Variants in ITGA9 observed in about 807,000 individuals in gnomAD.
ITGA9 encodes integrin alpha-9.
ITGA9 carries 56 observed loss-of-function variants against 127.8 expected under a neutral mutation model. The observed-to-expected ratio is 0.44, with a 90% CI of 0.35 to 0.55. The LOEUF is 0.55. Among genes scored for constraint, ITGA9 ranks in the 20% least tolerant of loss-of-function variants. The pLI, the probability that ITGA9 is intolerant of heterozygous loss-of-function variation, is 0.00. For synonymous variants in ITGA9, 508 were observed against 514.5 expected (o/e 0.99, Z 0.17); for missense variants, 1,196 against 1,347.1 (o/e 0.89, Z 1.76).
intron 15 of ITGA9, among the ~76,000 whole-genome samples, chr3:37,545,289 C>G (rs1433205313): frequency 1.3e-5 from 2 of 148,210 alleles, no homozygotes; most frequent in African/African-American, 5.2e-5. Context: ...GACAGTGGGG[C>G]CAGCATGAGG....
chr3:37,547,022 T>A (rs1336939188), intron 15 of ITGA9, among the ~76,000 whole-genome samples: 1 of 152,030 alleles, frequency 6.6e-6, no homozygotes, highest in Admixed American at 6.6e-5. Context: ...CAGTTCTGAG[T>A]CTGATGCAGG....
intron 17 of ITGA9, among the ~76,000 whole-genome samples, chr3:37,670,771 C>T (rs1700630070): frequency 6.6e-6 from 1 of 152,202 alleles, no homozygotes; most frequent in African/African-American, 2.4e-5. Context: ...GCTACCTCAC[C>T]TCCCAGGAGA....
intron 3 of ITGA9, among the ~76,000 whole-genome samples, chr3:37,480,825 A>G (rs1017487060): frequency 8.5e-5 from 13 of 152,050 alleles, no homozygotes; most frequent in Admixed American, 8.5e-4. Context: ...GACCTGCATC[A>G]TCTCTCACCT....
chr3:37,682,433 C>T (rs1459245144), intron 17 of ITGA9, among the ~76,000 whole-genome samples: 1 of 152,186 alleles, frequency 6.6e-6, no homozygotes, highest in South Asian at 2.1e-4. Context: ...ATGTGGATGA[C>T]TCCTCTCTCG....
chr3:37,738,558 G>C (rs1470502585), intron 20 of ITGA9, among the ~76,000 whole-genome samples: 1 of 152,198 alleles, frequency 6.6e-6, no homozygotes. Context: ...TTTTTGAAAA[G>C]GGGAGTGGCA....
At chr3:37,601,654 G>A (rs6550487) in intron 15 of ITGA9, among the ~76,000 whole-genome samples, 108,193 of 152,136 alleles carry the variant, frequency 0.71, 38,813 homozygotes, top group East Asian at 0.8. Flanking sequence ...TCATCAACAT[G>A]AGCAGTATTA....
intron 18 of ITGA9, among the ~76,000 whole-genome samples, chr3:37,726,262 G>A (rs1038189106): frequency 6.6e-6 from 1 of 152,218 alleles, no homozygotes; most frequent in Non-Finnish European, 1.5e-5. Flanking sequence ...AAGAAGGAAA[G>A]GGTCTTAGAG....
intron 16 of ITGA9, among the ~76,000 whole-genome samples, chr3:37,638,045 G>A (rs923491150): frequency 6.6e-6 from 1 of 152,164 alleles, no homozygotes; most frequent in Non-Finnish European, 1.5e-5. Context: ...TACAGTAGAG[G>A]AGTTAAACTA....
intron 9 of ITGA9, among the ~76,000 whole-genome samples, chr3:37,514,562 A>G (rs563124778): frequency 6.6e-6 from 1 of 152,184 alleles, no homozygotes; most frequent in Admixed American, 6.5e-5. Flanking sequence ...TGGGAACCAT[A>G]ATCTTTTTGT....
intron 23 of ITGA9, among the ~76,000 whole-genome samples, chr3:37,757,846 A>AATTT (rs1421047288): frequency 6.6e-6 from 1 of 151,768 alleles, no homozygotes; most frequent in Non-Finnish European, 1.5e-5. Context: ...GCTTTCAAGG[A>AATTT]ATGGATAATT....
chr3:37,757,682 T>G (rs9870805), intron 23 of ITGA9, among the ~76,000 whole-genome samples: 50,770 of 151,300 alleles, frequency 0.34, 9,047 homozygotes, highest in Middle Eastern at 0.45. Context: ...CTTTTCAATT[T>G]TATTCACACA....
At chr3:37,499,290 C>T (rs1235903240) in intron 5 of ITGA9, among the ~76,000 whole-genome samples, 5 of 152,246 alleles carry the variant, frequency 3.3e-5, no homozygotes, top group Non-Finnish European at 7.3e-5. Flanking sequence ...TTGTTCAGCA[C>T]GGACTTCTGT....
chr3:37,749,216 C>T (rs2125537187), intron 22 of ITGA9: 1 of 177,564 alleles, frequency 5.6e-6, no homozygotes, highest in East Asian at 1.5e-4. Context: ...CTCATGGCCC[C>T]CTTCCATCTT....
intron 4 of ITGA9, among the ~76,000 whole-genome samples, chr3:37,486,492 G>A (rs1003957530): frequency 1.3e-5 from 2 of 152,184 alleles, no homozygotes; most frequent in African/African-American, 4.8e-5. Context: ...GTGCTCAGTC[G>A]AGAGTGAATG....
At chr3:37,624,651 A>AG (rs1700159720) in intron 15 of ITGA9, among the ~76,000 whole-genome samples, 1 of 152,146 alleles carries the variant, frequency 6.6e-6, no homozygotes, top group African/African-American at 2.4e-5. Flanking sequence ...TCTGTCACCC[A>AG]GGCTGGAGTG....
chr3:37,695,002 G>A (rs990630955), intron 18 of ITGA9, among the ~76,000 whole-genome samples: 1 of 152,180 alleles, frequency 6.6e-6, no homozygotes, highest in African/African-American at 2.4e-5. Context: ...GGACAGGGCA[G>A]GACTGAAACT....
chr3:37,635,216 T>C (rs984557224), intron 16 of ITGA9, among the ~76,000 whole-genome samples: 4 of 152,216 alleles, frequency 2.6e-5, no homozygotes, highest in African/African-American at 9.6e-5. Context: ...ATCATGACAC[T>C]TGTCTTGGCT....
At chr3:37,748,942 A>AG in intron 22 of ITGA9, 2 of 664,132 alleles carry the variant, frequency 3.0e-6, no homozygotes, top group Non-Finnish European at 2.7e-6. Flanking sequence ...GACTGTTTAA[A>AG]AAAAAAAAGA....
intron 15 of ITGA9, among the ~76,000 whole-genome samples, chr3:37,562,599 A>G (rs1204287847): frequency 6.6e-6 from 1 of 152,172 alleles, no homozygotes; most frequent in East Asian, 1.9e-4. Flanking sequence ...CTTTCCTGTT[A>G]GCCAGTTTCC....
Sources: allele counts gnomAD v4.1 joint callset (sites outside exome capture counted in the v4.1 genomes callset), GRCh38; gene constraint gnomAD v4.1.1; transcripts MANE v1.5; gene names NCBI Gene and HGNC (gene_info 2026-07-23, HGNC 2026-07-21).